Variants in SLC6A20 observed in about 807,000 individuals in gnomAD.
The protein encoded by SLC6A20 is sodium- and chloride-dependent transporter XTRP3.
A neutral mutation model predicts 64.3 loss-of-function variants in SLC6A20; 73 were observed. The observed-to-expected ratio is 1.14, with a 90% CI of 0.94 to 1.38. The LOEUF (loss-of-function observed/expected upper bound fraction) is 1.38, where lower values mean the gene tolerates loss of function less well. SLC6A20 is among the 40% of genes most tolerant of loss of function. The pLI is 0.00. For missense variants in SLC6A20, 725 were observed against 772.8 expected, an observed-to-expected ratio of 0.94 and a Z score of 0.73; for synonymous variants, 347 against 329.6, an observed-to-expected ratio of 1.05 and a Z score of -0.57.
rs368274349 is a variant in SLC6A20, at chr3:45,761,231, C to A, written c.1464-1209G>T. On this transcript the variant is annotated intron_variant, in intron 9 of 10. Transcript: ENST00000358525. Reference sequence around the variant, plus strand: ...CCCTTCACACCCCCATAACCCCCCCCCCTTTCCTGGATGGAGAAAGTTGGG... The same window carrying A: ...CCCTTCACACCCCCATAACCCCCCCACCTTTCCTGGATGGAGAAAGTTGGG... Among the ~76,000 whole-genome samples the A allele has an allele frequency of 3.0e-3, 457 of 151,884 alleles. 4 individuals carry two copies. Among genetic ancestry groups the A allele is most frequent in the African/African-American group, 9.5e-3 (394 of 41,304 alleles).
At chr3:45,759,700 G>T (rs1699628751) in intron 10 of SLC6A20, among the ~76,000 whole-genome samples, 157 bp downstream of exon 10, 1 of 152,202 alleles carries the variant, frequency 6.6e-6, no homozygotes, top group African/African-American at 2.4e-5. Flanking sequence ...GCTCCTCCGT[G>T]CTGGACTATT....
intron 10 of SLC6A20, 115 bp from the exon 11 acceptor site, chr3:45,759,242 G>A (rs771462888): frequency 3.4e-5 from 40 of 1,161,330 alleles, no homozygotes; most frequent in East Asian, 5.5e-5. Context: ...ATGTGGGGCC[G>A]GTGTCCTCAC....
chr3:45,795,127 A>G (rs1370144507), intron 1 of SLC6A20, among the ~76,000 whole-genome samples: 1 of 152,222 alleles, frequency 6.6e-6, no homozygotes, highest in Non-Finnish European at 1.5e-5. Flanking sequence ...TAATACACAA[A>G]CACACACATA....
intron 6 of SLC6A20, among the ~76,000 whole-genome samples, chr3:45,770,982 T>G (rs928079143): frequency 6.6e-6 from 1 of 152,166 alleles, no homozygotes; most frequent in African/African-American, 2.4e-5. Context: ...AATTTGATCA[T>G]TGTATGTCCT....
chr3:45,776,475 A>G (rs1175849232), intron 3 of SLC6A20, among the ~76,000 whole-genome samples: 1 of 152,158 alleles, frequency 6.6e-6, no homozygotes, highest in Non-Finnish European at 1.5e-5. Flanking sequence ...AGTTCAGAGT[A>G]GCTTAAGCAG....
chr3:45,777,247 C>G (rs982676289), intron 3 of SLC6A20, among the ~76,000 whole-genome samples: 1 of 152,190 alleles, frequency 6.6e-6, no homozygotes, highest in East Asian at 1.9e-4. Context: ...TGCCAGTAGG[C>G]AGCTGGAGCC....
At position 45,771,450 on chromosome 3, in the gene SLC6A20, C is replaced by G. The variant is rs1699865047; in HGVS notation, c.702G>C (p.Gln234His). The change falls in exon 6 of 11, where the codon CAG (glutamine) becomes CAC (histidine). Residue 234 changes from glutamine to histidine, a missense_variant. Coordinates refer to ENST00000358525, the MANE Select transcript of SLC6A20 (RefSeq NM_020208.4). ...LMYMFTPKIE[Q>H]LANPKAWINA... ...TGATCCAGGCCTTGGGGTTGGCCAG[C>G]TGCTCTATCTGGAAGGCCAGCAGGG... 1 of 1,614,164 alleles carries G rather than the reference C, an allele frequency of 6.2e-7. No homozygotes were observed. The highest frequency in any genetic ancestry group is 8.5e-7 in the Non-Finnish European group (1 of 1,179,982).
chr3:45,779,573 T>C (rs1700033603), intron 3 of SLC6A20, among the ~76,000 whole-genome samples: 2 of 152,162 alleles, frequency 1.3e-5, no homozygotes, highest in Non-Finnish European at 2.9e-5. Flanking sequence ...CGAGTGGCCC[T>C]GAGGAAAGCG....
chr3:45,778,827 G>A (rs554210219), intron 3 of SLC6A20, among the ~76,000 whole-genome samples: 1 of 152,318 alleles, frequency 6.6e-6, no homozygotes, highest in East Asian at 1.9e-4. Flanking sequence ...GAGAGGCAGA[G>A]TTGTGGCCAG....
In SLC6A20 at chr3:45,757,310, G is replaced by C. The variant is rs1559559265; in HGVS notation, c.*1668C>G. On this transcript the variant is annotated 3_prime_UTR_variant, in exon 11 of 11. Transcript: ENST00000358525. ...CCTCCTCAGCACCGACCCTTTACAG[G>C]TGTCGGGCTGGGGGACAGTCAGGTC... The C allele has an allele frequency of 6.6e-6, 1 of 151,736 alleles. No individual in the cohort carries two copies. Among genetic ancestry groups the C allele is most frequent in the Non-Finnish European group, 1.5e-5 (1 of 68,034 alleles). 9.4% of individuals were successfully genotyped at this position (151,736 alleles called of 1,614,324 possible).
intron 3 of SLC6A20, among the ~76,000 whole-genome samples, chr3:45,778,697 C>A (rs1475971842): frequency 1.3e-5 from 2 of 152,162 alleles, no homozygotes; most frequent in African/African-American, 2.4e-5. Flanking sequence ...CCTTAGTTGG[C>A]AGTACTGTTG....
intron 4 of SLC6A20, 118 bp downstream of exon 4, chr3:45,775,643 T>C (rs1197837259): frequency 5.3e-6 from 5 of 947,654 alleles, no homozygotes; most frequent in Non-Finnish European, 7.8e-6. Flanking sequence ...AGCTGCTGCC[T>C]TTCCACTGCA....
chr3:45,787,743 A>C (rs958960875), intron 1 of SLC6A20, among the ~76,000 whole-genome samples: 85 of 152,068 alleles, frequency 5.6e-4, no homozygotes, highest in African/African-American at 2.0e-3. Context: ...CAACTCCTAA[A>C]CAGTCAGCTC....
At position 45,796,338 on chromosome 3, in the gene SLC6A20, CGTTGCCCAG is replaced by C; in HGVS notation, c.73_81del (p.Leu25_Asn27del). The C allele has an allele frequency of 6.2e-7, 1 of 1,612,220 alleles. No homozygotes were observed. The highest frequency in any genetic ancestry group is 8.5e-7 in the Non-Finnish European group (1 of 1,179,470). ...TGGCACAGGTACGGGAATCGCCACA[CGTTGCCCAG>C]GCCCACGGCGTACGAGATGCAGGCG... On this transcript the variant is annotated inframe_deletion, in exon 1 of 11. Transcript: ENST00000358525.
At position 45,780,121 on chromosome 3, in the gene SLC6A20, G is replaced by A. The variant is rs190514976; in HGVS notation, c.263-21C>T. ...GACCCCTGCGAGGAAGCAGAGGGCC[G>A]CGCTGAGGACTGAGGATGGCCCTTC... On this transcript the variant is annotated intron_variant, in intron 2 of 10. Coordinates refer to ENST00000358525, the MANE Select transcript of SLC6A20 (RefSeq NM_020208.4). The A allele has an allele frequency of 1.6e-3, 2,438 of 1,566,762 alleles. 4 individuals carry two copies. Among genetic ancestry groups the A allele is most frequent in the Non-Finnish European group, 1.9e-3 (2,242 of 1,154,952 alleles).
Position 45,765,732 on chromosome 3 carries a change from C to G in SLC6A20, c.1108G>C (p.Gly370Arg). The G allele has an allele frequency of 6.2e-7, 1 of 1,614,090 alleles. No individual in the cohort carries two copies. ...LESELDTAVQGTGLAFIVYTE... is the reference protein window; with the variant it reads ...LESELDTAVQRTGLAFIVYTE... ...TAGACGATGAATGCCAGGCCAGTGC[C>G]CTGGACGGCCTGCCCAGGGTGAGAA... is the stretch of plus-strand genomic sequence containing the variant. The change falls in exon 8 of 11, where the codon GGC becomes CGC. Residue 370 changes from glycine (G) to arginine (R), a missense_variant. Transcript: ENST00000358525. The surrounding 1 kb of genome is among the most constrained non-coding windows in gnomAD (Gnocchi z 4.2).
chr3:45,756,267 TTG>T lies in SLC6A20; in HGVS notation c.*2709_*2710del, dbSNP rs1165009699. ...ATGACTGATCCCAGGTGGCCCTGAGTTGTAAGACGGTGACTGTGAGTGGGGAT... is the reference window on the plus strand; with the variant it reads ...ATGACTGATCCCAGGTGGCCCTGAGTTAAGACGGTGACTGTGAGTGGGGAT... On this transcript the variant is annotated 3_prime_UTR_variant, in exon 11 of 11. Transcript: ENST00000358525. 6.6e-6 allele frequency: 1 copy of T among 152,244 alleles called. No homozygotes were observed. The highest frequency in any genetic ancestry group is 1.5e-5 in the Non-Finnish European group (1 of 68,080). 9.4% of individuals were successfully genotyped at this position (152,244 alleles called of 1,614,324 possible).
intron 9 of SLC6A20, among the ~76,000 whole-genome samples, chr3:45,760,392 GA>G (rs1300881954): frequency 2.0e-5 from 3 of 152,238 alleles, no homozygotes; most frequent in Admixed American, 6.5e-5. Flanking sequence ...CAATGACAGG[GA>G]CTTCTTGGGC....
At chr3:45,789,860 G>A (rs1453533657) in intron 1 of SLC6A20, among the ~76,000 whole-genome samples, 1 of 152,080 alleles carries the variant, frequency 6.6e-6, no homozygotes, top group African/African-American at 2.4e-5. Flanking sequence ...CCAAAGTGCT[G>A]GGATTACAGG....
Sources: allele counts gnomAD v4.1 joint callset (sites outside exome capture counted in the v4.1 genomes callset), GRCh38; gene constraint gnomAD v4.1.1; non-coding constraint Gnocchi (gnomAD v3.1); transcripts MANE v1.5; gene names NCBI Gene and HGNC (gene_info 2026-07-23, HGNC 2026-07-21).